Variants in WAC observed in about 807,000 individuals in gnomAD.
WAC encodes WW domain containing adaptor with coiled-coil.
Under a neutral mutation model 79.6 loss-of-function variants are expected in WAC, and 11 were observed. The observed-to-expected ratio is 0.14, with a 90% CI of 0.09 to 0.23. The LOEUF (loss-of-function observed/expected upper bound fraction) is 0.23. Among genes scored for constraint, WAC ranks in the 10% least tolerant of loss-of-function variants. WAC has a pLI of 1.00. For synonymous variants in WAC, 304 were observed against 276.9 expected, an observed-to-expected ratio of 1.10 and a Z score of -0.97; for missense variants, 728 against 773.5, an observed-to-expected ratio of 0.94 and a Z score of 0.70.
At chr10:28,595,106 A>T (rs1046271188) in intron 6 of WAC, among the ~76,000 whole-genome samples, 6 of 152,152 alleles carry the variant, frequency 3.9e-5, no homozygotes, top group African/African-American at 7.2e-5. Context: ...GATTTTATTA[A>T]CTCTCTGGTA....
intron 3 of WAC, among the ~76,000 whole-genome samples, chr10:28,572,559 CCCA>C (rs1424679994): frequency 1.3e-5 from 2 of 152,046 alleles, no homozygotes; most frequent in Non-Finnish European, 2.9e-5. Context: ...CACCTGTAAT[CCCA>C]CACTTTGGGA....
At position 28,533,515 on chromosome 10, in the gene WAC, G is replaced by GCGCC. The variant is rs1034070055; in HGVS notation, c.-56_-53dup. 1,359 of 1,122,050 alleles carry GCGCC rather than the reference G, an allele frequency of 1.2e-3. 4 individuals are homozygous for GCGCC. Among genetic ancestry groups the GCGCC allele is most frequent in the Middle Eastern group, 4.4e-3 (16 of 3,676 alleles). The allele number at this position is 1,122,050 out of a possible 1,614,324, so 69.5% of individuals were successfully genotyped here. On this transcript the variant is annotated 5_prime_UTR_variant, in exon 1 of 14. Coordinates refer to ENST00000354911, the MANE Select transcript of WAC (RefSeq NM_016628.5). ...GCCGCCCGCCGCCGCCGCCGCCTGC[G>GCGCC]CGCCCGCCCGCCTTTCGCGGCCGCT...
intron 6 of WAC, chr10:28,591,539 C>G (rs191468054): frequency 6.6e-6 from 1 of 152,162 alleles, no homozygotes; most frequent in African/African-American, 2.4e-5. Context: ...TAAAGGTATT[C>G]TATTTCCACT....
chr10:28,561,206 T>C (rs1018823141), intron 3 of WAC, among the ~76,000 whole-genome samples: 19 of 152,210 alleles, frequency 1.2e-4, no homozygotes, highest in Non-Finnish European at 4.4e-5. Context: ...GTTCTATCTT[T>C]TAACATGAAA....
intron 3 of WAC, among the ~76,000 whole-genome samples, chr10:28,560,565 TAG>T (rs1023016245): frequency 2.2e-4 from 34 of 152,154 alleles, no homozygotes; most frequent in African/African-American, 8.2e-4. Flanking sequence ...AGGTAGAGTC[TAG>T]AGTCGAAGGC....
rs1373760666 is a variant in WAC, at chr10:28,590,738, A to G, written c.516A>G (p.Glu172=). The stretch of plus-strand genomic sequence containing the variant: ...TTTTTAGAGAACAGAGACAAAAAGA[A>G]GCAAACAAGATGGCAGTCAACAGCT... ...EWLEREQRQK[E]ANKMAVNSFP... is the part of the protein sequence containing the mutation. The change falls in exon 6 of 14, where the codon GAA becomes GAG. Residue 172 remains glutamate, a synonymous_variant. Transcript: ENST00000354911. The G allele has an allele frequency of 1.9e-6, 3 of 1,606,608 alleles. No individual in the cohort carries two copies. Among genetic ancestry groups the G allele is most frequent in the Non-Finnish European group, 8.5e-7 (1 of 1,177,280 alleles).
At chr10:28,534,785 G>A (rs1199262707) in intron 2 of WAC, among the ~76,000 whole-genome samples, 2 of 152,196 alleles carry the variant, frequency 1.3e-5, no homozygotes, top group Non-Finnish European at 2.9e-5. Context: ...TAACCTGATG[G>A]TTGTGTTATA....
chr10:28,587,635 CCTG>C (rs1839889660), intron 4 of WAC, among the ~76,000 whole-genome samples: 2 of 152,322 alleles, frequency 1.3e-5, no homozygotes, highest in African/African-American at 2.4e-5. Flanking sequence ...AAATTTGACA[CCTG>C]CTATTGCACA....
At chr10:28,590,472 T>A (rs1490372985) in intron 5 of WAC, among the ~76,000 whole-genome samples, 12 of 152,232 alleles carry the variant, frequency 7.9e-5, no homozygotes. Context: ...CTTTCACATG[T>A]AGAATTAAAA....
intron 7 of WAC, 58 bp from the exon 8 acceptor site, chr10:28,608,128 G>A (rs1841050000): frequency 1.3e-6 from 2 of 1,598,366 alleles, no homozygotes; most frequent in Non-Finnish European, 8.5e-7. Context: ...TTCCTTTGAT[G>A]TTTGTTCCAA....
At chr10:28,552,076 G>A (rs540590879) in intron 3 of WAC, among the ~76,000 whole-genome samples, 4 of 152,174 alleles carry the variant, frequency 2.6e-5, no homozygotes, top group African/African-American at 7.2e-5. Flanking sequence ...GCCTCCCAAA[G>A]TGCTGGGATT....
At chr10:28,611,606 C>T in intron 9 of WAC, 168 bp from the exon 10 acceptor site, 1 of 1,218,864 alleles carries the variant, frequency 8.2e-7, no homozygotes, top group Non-Finnish European at 1.1e-6. Context: ...CAGTGTGGCC[C>T]AGTGAGAAGG....
At chr10:28,538,370 T>G (rs1395000806) in intron 3 of WAC, 12 of 256,580 alleles carry the variant, frequency 4.7e-5, no homozygotes, top group Non-Finnish European at 6.8e-5. Context: ...TCACCTGAGG[T>G]CAGGAGTTTG....
At chr10:28,588,730 T>G (rs543745654) in intron 4 of WAC, 11 of 152,314 alleles carry the variant, frequency 7.2e-5, no homozygotes, top group African/African-American at 2.6e-4. Flanking sequence ...TTTTAAATAT[T>G]TTTTAATTTT....
intron 3 of WAC, among the ~76,000 whole-genome samples, chr10:28,538,565 G>A (rs1836813216): frequency 7.2e-6 from 1 of 138,934 alleles, no homozygotes; most frequent in Non-Finnish European, 1.5e-5. Flanking sequence ...CTGGGAGACG[G>A]ATTGAGACCC....
At chr10:28,618,620 A>G (rs1282520879) in intron 13 of WAC, among the ~76,000 whole-genome samples, 1 of 152,230 alleles carries the variant, frequency 6.6e-6, no homozygotes, top group Non-Finnish European at 1.5e-5. Flanking sequence ...ATACAGTCAA[A>G]TATCAAGCCA....
At chr10:28,583,004 G>C (rs1267829311) in intron 3 of WAC, among the ~76,000 whole-genome samples, 1 of 152,124 alleles carries the variant, frequency 6.6e-6, no homozygotes, top group Non-Finnish European at 1.5e-5. Context: ...AAAACATACT[G>C]ATAACAGTGA....
At position 28,533,397 on chromosome 10, in the gene WAC, A is replaced by G. The variant is rs930389031; in HGVS notation, c.-183A>G. 6.2e-6 allele frequency: 1 copy of G among 162,388 alleles called. No homozygotes were observed. The highest frequency in any genetic ancestry group is 2.4e-5 in the African/African-American group (1 of 41,350). The allele number at this position is 162,388 out of a possible 1,614,324, so 10.1% of individuals were successfully genotyped here. On this transcript the variant is annotated 5_prime_UTR_variant, in exon 1 of 14. Coordinates refer to ENST00000354911, the MANE Select transcript of WAC (RefSeq NM_016628.5). ...CCGGCTGAGAGTGAGCGTGGTGTCG[A>G]CGGAGGGAGATGGCCCGGGAGCGCC...
chr10:28,602,322 A>G (rs564991091), intron 7 of WAC, among the ~76,000 whole-genome samples: 7 of 152,270 alleles, frequency 4.6e-5, no homozygotes, highest in Admixed American at 3.9e-4. Context: ...GTTGTAAAAC[A>G]GCATATTTAT....
Sources: allele counts gnomAD v4.1 joint callset (sites outside exome capture counted in the v4.1 genomes callset), GRCh38; gene constraint gnomAD v4.1.1; transcripts MANE v1.5; gene names NCBI Gene and HGNC (gene_info 2026-07-23, HGNC 2026-07-21).